The following PPP1R9A variants were observed in gnomAD, a reference collection of about 807,000 sequenced individuals.
PPP1R9A encodes the protein neurabin-1.
Under a neutral mutation model 141.9 loss-of-function variants are expected in PPP1R9A, and 59 were observed. The ratio of observed to expected loss-of-function variants is 0.42; its 90% CI spans 0.34 to 0.52. The LOEUF (loss-of-function observed/expected upper bound fraction) is 0.52. Ranked by LOEUF, PPP1R9A falls within the 20% of genes least tolerant of loss-of-function variation. The probability of loss-of-function intolerance (pLI) is 0.10; values close to 1 mark genes in which losing one functional copy is unlikely to be tolerated. For synonymous variants in PPP1R9A, 500 were observed against 569.7 expected (o/e 0.88, Z 1.74); for missense variants, 1,444 against 1,611.9 (o/e 0.90, Z 1.78).
At position 95,295,226 on chromosome 7, in the gene PPP1R9A, G is replaced by T. The variant is rs17773605; in HGVS notation, c.*4923G>T. ...AATCATAGCCTTATTGCCACTTCTT[G>T]CGTTGTGTATACATTGAATGGCTCA... On this transcript the variant is annotated 3_prime_UTR_variant, in exon 20 of 20. Transcript: ENST00000433360. 0.069 allele frequency: 10,517 copies of T among 152,606 alleles called. 780 individuals carry two copies. Among genetic ancestry groups the T allele is most frequent in the East Asian group, 0.42 (2,147 of 5,164 alleles). The allele number at this position is 152,606 out of a possible 1,614,324, so 9.5% of individuals were successfully genotyped here. A position where few individuals can be genotyped will look rare whatever the true frequency, so the allele number is the denominator to read the frequency against.
intron 2 of PPP1R9A, among the ~76,000 whole-genome samples, chr7:94,970,540 G>A (rs528572423): frequency 6.6e-6 from 1 of 151,976 alleles, no homozygotes; most frequent in Admixed American, 6.6e-5. Flanking sequence ...TGCGTACCTC[G>A]GTTAGAAATG....
intron 4 of PPP1R9A, among the ~76,000 whole-genome samples, chr7:95,136,987 A>G (rs1367738062): frequency 6.6e-6 from 1 of 152,184 alleles, no homozygotes; most frequent in Non-Finnish European, 1.5e-5. Context: ...GACTTCAAAG[A>G]GAAGTTATTT....
Position 94,937,434 on chromosome 7 carries a change from A to G in PPP1R9A, c.1395+25926A>G, listed in dbSNP as rs150700152. Among the ~76,000 whole-genome samples, 580 of 152,282 alleles carry G rather than the reference A, an allele frequency of 3.8e-3. 21 individuals are homozygous for G. The highest frequency in any genetic ancestry group is 0.032 in the East Asian group (166 of 5,184). ...CTTGAAACTTGAAAATCAATATCCA[A>G]TGTTTTAATTTTAAAGTCTTGGCCT... On this transcript the variant is annotated intron_variant, in intron 2 of 19. Coordinates refer to ENST00000433360, the MANE Select transcript of PPP1R9A (RefSeq NM_001166160.2).
At chr7:95,221,156 C>G in intron 7 of PPP1R9A, among the ~76,000 whole-genome samples, 1 of 151,982 alleles carries the variant, frequency 6.6e-6, no homozygotes, top group East Asian at 1.9e-4. Context: ...ATTTTGACAC[C>G]AGCAGCAGCA....
intron 4 of PPP1R9A, among the ~76,000 whole-genome samples, chr7:95,159,661 C>G (rs1328899717): frequency 6.6e-6 from 1 of 152,022 alleles, no homozygotes; most frequent in Non-Finnish European, 1.5e-5. Context: ...TGGTGGCTCA[C>G]ACCTGTAATC....
chr7:95,093,690 T>C (rs944374019), intron 2 of PPP1R9A, among the ~76,000 whole-genome samples: 3 of 152,196 alleles, frequency 2.0e-5, no homozygotes, highest in Non-Finnish European at 2.9e-5. Flanking sequence ...AAAATTAATT[T>C]TGGTAATATT....
intron 5 of PPP1R9A, among the ~76,000 whole-genome samples, chr7:95,182,522 C>A (rs1174579041): frequency 2.0e-5 from 3 of 152,014 alleles, no homozygotes; most frequent in Non-Finnish European, 2.9e-5. Flanking sequence ...TTATTTATAT[C>A]ATTTCATTGT....
At chr7:94,975,346 G>GT (rs67413314) in intron 2 of PPP1R9A, among the ~76,000 whole-genome samples, 5 of 128,536 alleles carry the variant, frequency 3.9e-5, no homozygotes, top group South Asian at 2.9e-4. Flanking sequence ...ACAGGCTGTA[G>GT]TTTTTTTTTG....
chr7:95,277,061 T>C (rs749831404), intron 16 of PPP1R9A, among the ~76,000 whole-genome samples: 2 of 152,166 alleles, frequency 1.3e-5, no homozygotes, highest in Non-Finnish European at 2.9e-5. Context: ...TCACCAACCC[T>C]GGGAGACTTC....
intron 2 of PPP1R9A, among the ~76,000 whole-genome samples, chr7:95,084,174 A>G (rs1009814335): frequency 6.6e-6 from 1 of 152,090 alleles, no homozygotes; most frequent in Non-Finnish European, 1.5e-5. Context: ...GAGCTAACAC[A>G]AAATTTAATG....
At chr7:95,184,957 T>C (rs1431861281) in intron 5 of PPP1R9A, among the ~76,000 whole-genome samples, 1 of 152,118 alleles carries the variant, frequency 6.6e-6, no homozygotes, top group Non-Finnish European at 1.5e-5. Flanking sequence ...TTTCATATAA[T>C]GACTTTCTTT....
intron 2 of PPP1R9A, among the ~76,000 whole-genome samples, chr7:95,051,927 C>T (rs1039542305): frequency 1.3e-5 from 2 of 151,568 alleles, no homozygotes; most frequent in Non-Finnish European, 2.9e-5. Flanking sequence ...GCAACCTCCT[C>T]CTCCAGGGTT....
In PPP1R9A at chr7:95,284,075, C is replaced by G; in HGVS notation, c.3354C>G (p.Thr1118=). The G allele has an allele frequency of 7.5e-6, 12 of 1,597,694 alleles. No homozygotes were observed. Among genetic ancestry groups the G allele is most frequent in the Non-Finnish European group, 1.0e-5 (12 of 1,178,250 alleles). The change falls in exon 17 of 20, where the codon ACC becomes ACG. Residue 1118 remains threonine, a synonymous_variant. Coordinates refer to ENST00000433360, the MANE Select transcript of PPP1R9A (RefSeq NM_001166160.2). ...CCAAGCCATGTTCAACAGCTCAGAC[C>G]TCCACTCGTTCCCCTTGCATGCCTT... ...WTPKPCSTAQ[T]STRSPCMPFS...
intron 4 of PPP1R9A, among the ~76,000 whole-genome samples, chr7:95,145,066 T>C (rs1827370767): frequency 6.6e-6 from 1 of 152,178 alleles, no homozygotes; most frequent in South Asian, 2.1e-4. Flanking sequence ...TGTAATACAT[T>C]GGTGAAAGAA....
At chr7:94,982,083 T>C (rs184431544) in intron 2 of PPP1R9A, among the ~76,000 whole-genome samples, 32 of 152,164 alleles carry the variant, frequency 2.1e-4, no homozygotes, top group African/African-American at 7.2e-4. Context: ...TGTTTGGTTT[T>C]CCATCCTTGC....
rs1259280313 is a variant in PPP1R9A at position 95,269,201 on chromosome 7, C to A, written c.2824-6C>A. On this transcript the variant is annotated splice_polypyrimidine_tract_variant and splice_region_variant and intron_variant, in intron 13 of 19. Transcript: ENST00000433360. ...TAACCTTCCTTATAATCTCTTATAC[C>A]AACAGCCATCAAACAGTTTCTATAA... 2.0e-6 allele frequency: 3 copies of A among 1,517,896 alleles called. No individual in the cohort carries two copies. Among genetic ancestry groups the A allele is most frequent in the Non-Finnish European group, 2.7e-6 (3 of 1,109,556 alleles). The allele number at this position is 1,517,896 out of a possible 1,614,324, so 94.0% of individuals were successfully genotyped here. A position where few individuals can be genotyped will look rare whatever the true frequency, so the allele number is the denominator to read the frequency against.
intron 5 of PPP1R9A, among the ~76,000 whole-genome samples, chr7:95,178,179 G>A (rs1364602857): frequency 6.6e-6 from 1 of 152,040 alleles, no homozygotes; most frequent in Non-Finnish European, 1.5e-5. Flanking sequence ...ATTATGTCAA[G>A]CACTCTTTCT....
At chr7:95,078,134 C>T (rs1815163535) in intron 2 of PPP1R9A, among the ~76,000 whole-genome samples, 1 of 112,314 alleles carries the variant, frequency 8.9e-6, no homozygotes, top group Admixed American at 1.1e-4. Context: ...TCCCCCCTCC[C>T]CCCACCCCAC....
chr7:95,143,255 A>G (rs896959453), intron 4 of PPP1R9A, among the ~76,000 whole-genome samples: 1 of 151,998 alleles, frequency 6.6e-6, no homozygotes, highest in Non-Finnish European at 1.5e-5. Context: ...TTCTGGTGTC[A>G]TTTGTGATTT....
Sources: gnomAD v4.1 joint callset for allele counts (sites outside exome capture counted in the v4.1 genomes callset) on GRCh38, gnomAD v4.1.1 for gene constraint, MANE v1.5 for transcripts, NCBI Gene and HGNC (gene_info 2026-07-23, HGNC 2026-07-21) for gene names.